The following ZC3H12C variants were observed in gnomAD, a reference collection of about 807,000 sequenced individuals.
ZC3H12C encodes probable ribonuclease ZC3H12C.
In ZC3H12C, 20 loss-of-function variants were observed where a neutral mutation model predicts 76.3. That is an observed-to-expected ratio of 0.26 (90% CI 0.18 to 0.38). ZC3H12C has a LOEUF of 0.38. ZC3H12C is among the 10% of genes least tolerant of loss of function. The probability of loss-of-function intolerance (pLI) is 1.00; values close to 1 mark genes in which losing one functional copy is unlikely to be tolerated. For missense variants in ZC3H12C, 874 were observed against 1,086.5 expected, an observed-to-expected ratio of 0.80 and a Z score of 2.75; for synonymous variants, 352 against 399.6, an observed-to-expected ratio of 0.88 and a Z score of 1.42.
At chr11:110,141,470 G>A (rs1446827056) in intron 2 of ZC3H12C, among the ~76,000 whole-genome samples, 1 of 152,122 alleles carries the variant, frequency 6.6e-6, no homozygotes, top group Non-Finnish European at 1.5e-5. Context: ...AATACTGAAG[G>A]CTTTCTTGCC....
chr11:110,153,110 G>A, intron 3 of ZC3H12C, 52 bp downstream of exon 3: 2 of 1,578,452 alleles, frequency 1.3e-6, no homozygotes, highest in Admixed American at 1.9e-5. Context: ...TAATAACCAT[G>A]CAGGTGTCTG....
chr11:110,147,345 A>G (rs760826109), intron 2 of ZC3H12C, among the ~76,000 whole-genome samples: 18 of 152,148 alleles, frequency 1.2e-4, no homozygotes, highest in Non-Finnish European at 2.2e-4. Context: ...CACCGGAGCT[A>G]CTAAAGGGTA....
chr11:110,149,688 C>A (rs1862235159), intron 2 of ZC3H12C, among the ~76,000 whole-genome samples: 1 of 152,182 alleles, frequency 6.6e-6, no homozygotes, highest in Admixed American at 6.5e-5. Flanking sequence ...TGAGTTTCCT[C>A]TTCTGTGAAT....
intron 1 of ZC3H12C, among the ~76,000 whole-genome samples, chr11:110,134,345 G>A (rs561421239): frequency 6.6e-6 from 1 of 152,148 alleles, no homozygotes; most frequent in African/African-American, 2.4e-5. Context: ...ATTCATGATG[G>A]CATGTTAAAG....
chr11:110,110,732 GC>G (rs1261329166), intron 1 of ZC3H12C, among the ~76,000 whole-genome samples: 2 of 151,966 alleles, frequency 1.3e-5, no homozygotes, highest in Non-Finnish European at 2.9e-5. Flanking sequence ...CATTGAGAGA[GC>G]CTCTGACTGG....
At chr11:110,126,210 T>TTTC (rs373350746) in intron 1 of ZC3H12C, among the ~76,000 whole-genome samples, 8 of 97,574 alleles carry the variant, frequency 8.2e-5, no homozygotes, top group African/African-American at 4.3e-5. Flanking sequence ...TAGTTGTTGT[T>TTTC]TTCTTCTTTT....
chr11:110,127,246 C>T (rs893628007), intron 1 of ZC3H12C, among the ~76,000 whole-genome samples: 2 of 152,174 alleles, frequency 1.3e-5, no homozygotes, highest in Non-Finnish European at 2.9e-5. Context: ...ATTTATTTGT[C>T]TTTAATTCAT....
At chr11:110,102,139 A>C (rs1191253578) in intron 1 of ZC3H12C, among the ~76,000 whole-genome samples, 1 of 151,226 alleles carries the variant, frequency 6.6e-6, no homozygotes, top group Middle Eastern at 3.2e-3. Context: ...TTTGACTTGC[A>C]AGTCTTATTA....
chr11:110,101,250 G>A (rs1304610394), intron 1 of ZC3H12C, among the ~76,000 whole-genome samples: 7 of 152,170 alleles, frequency 4.6e-5, no homozygotes, highest in African/African-American at 9.7e-5. Flanking sequence ...AGGCTGGTTC[G>A]TGAAGTTTAA....
intron 1 of ZC3H12C, among the ~76,000 whole-genome samples, chr11:110,116,115 T>G (rs1591463806): frequency 6.6e-6 from 1 of 152,270 alleles, no homozygotes; most frequent in Non-Finnish European, 1.5e-5. Flanking sequence ...CCTGCTATAT[T>G]TTCTTCTAAT....
intron 2 of ZC3H12C, among the ~76,000 whole-genome samples, chr11:110,151,125 G>T (rs1269916243): frequency 6.6e-6 from 1 of 152,122 alleles, no homozygotes; most frequent in Non-Finnish European, 1.5e-5. Flanking sequence ...CAACCTTTAT[G>T]ATCAGAATTG....
Position 110,135,511 on chromosome 11 carries a change from A to AG in ZC3H12C, c.22-1151dup, listed in dbSNP as rs1555019870. On this transcript the variant is annotated intron_variant, in intron 1 of 5. Coordinates refer to ENST00000278590, the MANE Select transcript of ZC3H12C (RefSeq NM_033390.2). The stretch of plus-strand genomic sequence containing the variant: ...GTCTCAAAAAAAAAAAAAAAAAAAA[A>AG]GTAAATCCTTGATGTGGATATAGTT... Among the ~76,000 whole-genome samples, 678 of 150,372 alleles carry AG rather than the reference A, an allele frequency of 4.5e-3. 11 individuals carry two copies. Among genetic ancestry groups the AG allele is most frequent in the African/African-American group, 0.016 (635 of 40,682 alleles).
chr11:110,114,786 ACTC>A (rs1565250862), intron 1 of ZC3H12C, among the ~76,000 whole-genome samples: 23 of 152,138 alleles, frequency 1.5e-4, no homozygotes. Flanking sequence ...AATAAAATAA[ACTC>A]CTCATTCACA....
intron 2 of ZC3H12C, among the ~76,000 whole-genome samples, chr11:110,144,525 A>G (rs1465899680): frequency 2.6e-5 from 4 of 152,166 alleles, no homozygotes; most frequent in African/African-American, 7.2e-5. Flanking sequence ...AGCCATCTCT[A>G]TTTGGAGTAC....
At chr11:110,141,439 AC>A (rs1212174852) in intron 2 of ZC3H12C, among the ~76,000 whole-genome samples, 5 of 152,140 alleles carry the variant, frequency 3.3e-5, no homozygotes, top group African/African-American at 1.2e-4. Context: ...GAACTTGAGA[AC>A]CCTTTTTAAT....
At chr11:110,159,185 T>C (rs765229736) in intron 3 of ZC3H12C, 71 bp from the exon 4 acceptor site, 3 of 1,177,314 alleles carry the variant, frequency 2.5e-6, no homozygotes, top group Non-Finnish European at 3.7e-6. Flanking sequence ...GAGTTTCACA[T>C]TGTATGAAAG....
Position 110,165,359 on chromosome 11 carries a change from C to T in ZC3H12C, c.2274C>T (p.Asp758=), listed in dbSNP as rs1251017410. ...IDSISDSRLY[D]SSPSRQRKPY... is the part of the protein sequence containing the mutation. ...GCATCTCTGACTCTCGACTTTATGA[C>T]AGTTCTCCTTCACGACAAAGAAAGC... The change falls in exon 6 of 6, where the codon GAC becomes GAT. Residue 758 remains aspartate, a synonymous_variant. Coordinates refer to ENST00000278590, the MANE Select transcript of ZC3H12C (RefSeq NM_033390.2). The T allele has an allele frequency of 6.2e-7, 1 of 1,614,024 alleles. No homozygotes were observed. The highest frequency in any genetic ancestry group is 8.5e-7 in the Non-Finnish European group (1 of 1,179,892).
At chr11:110,129,855 A>G (rs1861828079) in intron 1 of ZC3H12C, among the ~76,000 whole-genome samples, 1 of 152,108 alleles carries the variant, frequency 6.6e-6, no homozygotes. Context: ...GGCCACTCCA[A>G]GTATAACTTA....
intron 1 of ZC3H12C, among the ~76,000 whole-genome samples, chr11:110,118,184 AAC>A (rs1306568394): frequency 6.6e-6 from 1 of 151,006 alleles, no homozygotes; most frequent in Non-Finnish European, 1.5e-5. Context: ...TATCAGAAAC[AAC>A]ACAAAGTCAC....
Sources: allele counts gnomAD v4.1 joint callset (sites outside exome capture counted in the v4.1 genomes callset), GRCh38; gene constraint gnomAD v4.1.1; transcripts MANE v1.5; gene names NCBI Gene and HGNC (gene_info 2026-07-23, HGNC 2026-07-21).